The following MTARC1 variants were observed in gnomAD, a reference collection of about 807,000 sequenced individuals.
MTARC1 encodes mitochondrial amidoxime reducing component 1, also known as mitochondrial amidoxime-reducing component 1.
A neutral mutation model predicts 33.6 loss-of-function variants in MTARC1; 24 were observed. The observed-to-expected ratio is 0.72, with a 90% CI of 0.52 to 1.01. The LOEUF is 1.01. Among genes scored for constraint, MTARC1 ranks in the 50% least tolerant of loss-of-function variants. The pLI is 0.00. For missense variants in MTARC1, 417 were observed against 445.7 expected (o/e 0.94, Z 0.58); for synonymous variants, 187 against 189.5 (o/e 0.99, Z 0.11).
chr1:220,796,664 G>A lies in MTARC1; in HGVS notation c.471G>A (p.Glu157=). 1 of 1,607,954 alleles carries A rather than the reference G, an allele frequency of 6.2e-7. No homozygotes were observed. Among genetic ancestry groups the A allele is most frequent in the South Asian group, 1.1e-5 (1 of 90,000 alleles). Reference sequence around the variant, plus strand: ...GCAGAGTGCACGGCCTGGAGATAGAGGGCAGGGACTGTGGCGAGGCCACCG... The same window carrying A: ...GCAGAGTGCACGGCCTGGAGATAGAAGGCAGGGACTGTGGCGAGGCCACCG... ...HKCRVHGLEI[E]GRDCGEATAQ... is the part of the protein sequence containing the mutation. The change falls in exon 3 of 7, where the codon GAG becomes GAA. Residue 157 remains glutamate, a synonymous_variant. Coordinates refer to ENST00000366910, the MANE Select transcript of MTARC1 (RefSeq NM_022746.4).
At chr1:220,800,840 TCTC>T (rs776984924) in intron 4 of MTARC1, among the ~76,000 whole-genome samples, 12 of 152,004 alleles carry the variant, frequency 7.9e-5, no homozygotes, top group Non-Finnish European at 2.9e-5. Flanking sequence ...CCCTTGTTCT[TCTC>T]TTTCTCTCAC....
At chr1:220,796,860 G>A in intron 3 of MTARC1, 55 bp downstream of exon 3, 9 of 1,518,056 alleles carry the variant, frequency 5.9e-6, no homozygotes, top group Non-Finnish European at 7.1e-6. Context: ...AGATCAGGGG[G>A]CTCAGGTGGC....
In MTARC1 at chr1:220,805,135, G is replaced by C. The variant is rs1299589988; in HGVS notation, c.815+22G>C. ...CCAGGTAAGGTGCTTTCCTGTCCCT[G>C]TGGGGTGGAGGTGGGGATAAGTTCG... is the stretch of plus-strand genomic sequence containing the variant. On this transcript the variant is annotated intron_variant, in intron 5 of 6. Coordinates refer to ENST00000366910, the MANE Select transcript of MTARC1 (RefSeq NM_022746.4). The C allele has an allele frequency of 8.7e-6, 14 of 1,614,048 alleles. No homozygotes were observed. In the Middle Eastern group the frequency reaches 6.6e-4, roughly 76 times the overall value.
At chr1:220,810,973 A>G (rs766881745) in intron 6 of MTARC1, among the ~76,000 whole-genome samples, 8 of 152,196 alleles carry the variant, frequency 5.3e-5, no homozygotes, top group Non-Finnish European at 1.0e-4. Flanking sequence ...TGTAAGGATT[A>G]AAAAAGAGAA....
chr1:220,812,819 A>G (rs1164524878), intron 6 of MTARC1, among the ~76,000 whole-genome samples: 3 of 151,906 alleles, frequency 2.0e-5, no homozygotes, highest in Admixed American at 6.6e-5. Context: ...CCGCCTCCCA[A>G]GTTGATGCCA....
At chr1:220,794,598 T>C (rs1484963452) in intron 2 of MTARC1, among the ~76,000 whole-genome samples, 1 of 152,058 alleles carries the variant, frequency 6.6e-6, no homozygotes, top group South Asian at 2.1e-4. Flanking sequence ...GTAGATATGA[T>C]TAATACTAGG....
rs1267403067 is a variant in MTARC1, at chr1:220,818,092, A to G, written c.*4674A>G. On this transcript the variant is annotated 3_prime_UTR_variant, in exon 7 of 7. Coordinates refer to ENST00000366910, the MANE Select transcript of MTARC1 (RefSeq NM_022746.4). ...GTTATGATGATATCTAAAGTTACCC[A>G]ATTTCAAGCAAGAGGAAGAATCTGG... 2 of 152,138 alleles carry G rather than the reference A, an allele frequency of 1.3e-5. No homozygotes were observed. The highest frequency in any genetic ancestry group is 2.9e-5 in the Non-Finnish European group (2 of 68,022). 9.4% of individuals were successfully genotyped at this position (152,138 alleles called of 1,614,324 possible).
At chr1:220,810,162 T>G (rs575329266) in intron 6 of MTARC1, among the ~76,000 whole-genome samples, 30 of 152,348 alleles carry the variant, frequency 2.0e-4, no homozygotes, top group Non-Finnish European at 3.8e-4. Context: ...TAAATGAGTT[T>G]TAATTTATTA....
chr1:220,797,742 A>G (rs1672667198), intron 3 of MTARC1, 132 bp from the exon 4 acceptor site: 1 of 836,208 alleles, frequency 1.2e-6, no homozygotes, highest in East Asian at 2.6e-5. Context: ...TATTAAAAGA[A>G]CAAGAGAACT....
intron 6 of MTARC1, among the ~76,000 whole-genome samples, chr1:220,812,299 T>C (rs1176883352): frequency 6.6e-6 from 1 of 152,154 alleles, no homozygotes. Flanking sequence ...CCAGGCTGAA[T>C]AGTTGGAATG....
chr1:220,797,075 C>T (rs1672644266), intron 3 of MTARC1, among the ~76,000 whole-genome samples: 1 of 152,152 alleles, frequency 6.6e-6, no homozygotes, highest in Non-Finnish European at 1.5e-5. Context: ...CTGTTCTGCA[C>T]CAGTGTCTTT....
intron 1 of MTARC1, 25 bp from the exon 2 acceptor site, chr1:220,791,466 A>G: frequency 6.2e-7 from 1 of 1,611,872 alleles, no homozygotes; most frequent in Non-Finnish European, 8.5e-7. Context: ...TGGTTCACAC[A>G]TATCCTGTGT....
intron 2 of MTARC1, chr1:220,793,924 G>A (rs1672517563): frequency 6.6e-6 from 1 of 152,208 alleles, no homozygotes; most frequent in African/African-American, 2.4e-5. Flanking sequence ...CAGGAAGAAG[G>A]CAGAACAAAT....
chr1:220,803,936 A>G (rs72472330), intron 4 of MTARC1, among the ~76,000 whole-genome samples: 41 of 152,320 alleles, frequency 2.7e-4, no homozygotes, highest in African/African-American at 9.4e-4. Context: ...TTACGATAGA[A>G]CAAAACCCCT....
chr1:220,799,081 T>C lies in MTARC1; in HGVS notation c.753+1067T>C, dbSNP rs1672708522. The C allele has an allele frequency of 3.0e-6, 3 of 985,264 alleles. No homozygotes were observed. In the South Asian group the frequency reaches 1.4e-4, roughly 46 times the overall value. 61.0% of individuals were successfully genotyped at this position (985,264 alleles called of 1,614,324 possible). A position where few individuals can be genotyped will look rare whatever the true frequency, so the allele number is the denominator to read the frequency against. ...ACAATGAGATGATCATATTTCTGCC[T>C]AGGGTTACCTTAAGGGTCTGTTGAA... is the stretch of plus-strand genomic sequence containing the variant. On this transcript the variant is annotated intron_variant, in intron 4 of 6. Transcript: ENST00000366910.
Position 220,787,080 on chromosome 1 carries a change from A to T in MTARC1, c.136A>T (p.Thr46Ser). Residue 46 changes from threonine (T) to serine (S), a missense_variant, in exon 1 of 7, where the codon ACG becomes TCG. Coordinates refer to ENST00000366910, the MANE Select transcript of MTARC1 (RefSeq NM_022746.4). ...TGTCGCCTGGCGCCGCGCATGGCCC[A>T]CGCGGCGCCGGCGGCTGCTGCAGCA... ...GAVAWRRAWP[T>S]RRRRLLQQVG... The T allele has an allele frequency of 6.7e-7, 1 of 1,499,598 alleles. No individual in the cohort carries two copies. Among genetic ancestry groups the T allele is most frequent in the Non-Finnish European group, 8.9e-7 (1 of 1,128,428 alleles). 92.9% of individuals were successfully genotyped at this position (1,499,598 alleles called of 1,614,324 possible). A position where few individuals can be genotyped will look rare whatever the true frequency, so the allele number is the denominator to read the frequency against.
chr1:220,813,276 T>C lies in MTARC1; in HGVS notation c.888-16T>C. On this transcript the variant is annotated splice_polypyrimidine_tract_variant and intron_variant, in intron 6 of 6. Transcript: ENST00000366910. ...TCCGCTTGGCTGTGACTCATCATGA[T>C]CTTTTCCTATTGCAGTTATCGCCAG... 6.2e-7 allele frequency: 1 copy of C among 1,613,990 alleles called. No individual in the cohort carries two copies. The highest frequency in any genetic ancestry group is 8.5e-7 in the Non-Finnish European group (1 of 1,179,956).
In MTARC1 at chr1:220,806,822, G is replaced by T. The variant is rs1487670546; in HGVS notation, c.887+1548G>T. On this transcript the variant is annotated intron_variant, in intron 6 of 6. Coordinates refer to ENST00000366910, the MANE Select transcript of MTARC1 (RefSeq NM_022746.4). ...GCAAGGTTAGCAGGTGGCCATGAGG[G>T]CCTAGGCCACCTGGCAGAGAGACAG... Among the ~76,000 whole-genome samples the T allele has an allele frequency of 3.3e-5, 5 of 152,216 alleles. No homozygotes were observed. The East Asian group carries it at 9.6e-4, about 29-fold the overall frequency.
At chr1:220,791,432 C>T (rs1325409450) in intron 1 of MTARC1, 59 bp from the exon 2 acceptor site, 15 of 1,571,614 alleles carry the variant, frequency 9.5e-6, no homozygotes, top group Non-Finnish European at 1.2e-5. Context: ...TGAAGCTCCT[C>T]CAGGGTCTGG....
Sources: gnomAD v4.1 joint callset for allele counts (sites outside exome capture counted in the v4.1 genomes callset) on GRCh38, gnomAD v4.1.1 for gene constraint, MANE v1.5 for transcripts, NCBI Gene and HGNC (gene_info 2026-07-23, HGNC 2026-07-21) for gene names.